BCAM: variants seen among roughly 807,000 people sequenced by gnomAD.
The protein encoded by BCAM is basal cell adhesion molecule.
Under a neutral mutation model 72.4 loss-of-function variants are expected in BCAM, and 61 were observed. That is an observed-to-expected ratio of 0.84 (90% CI 0.69 to 1.04). The LOEUF (loss-of-function observed/expected upper bound fraction) is 1.04. BCAM is among the 50% of genes least tolerant of loss of function. The probability of loss-of-function intolerance (pLI) is 0.00; values close to 1 mark genes in which losing one functional copy is unlikely to be tolerated. For missense variants in BCAM, 909 were observed against 895.0 expected (o/e 1.02, Z -0.20); for synonymous variants, 408 against 384.2 (o/e 1.06, Z -0.73).
Position 44,809,170 on chromosome 19 carries a change from C to T in BCAM, c.46C>T (p.Leu16=). 2 of 1,475,844 alleles carry T rather than the reference C, an allele frequency of 1.4e-6. No homozygotes were observed. Among genetic ancestry groups the T allele is most frequent in the Non-Finnish European group, 1.8e-6 (2 of 1,116,326 alleles). 91.4% of individuals were successfully genotyped at this position (1,475,844 alleles called of 1,614,324 possible). Reference sequence around the variant, plus strand: ...GGCCCAGGCGCGCGGGGCCCCGCGGCTGCTGTTGCTCGCAGTCCTGCTGGC... The same window carrying T: ...GGCCCAGGCGCGCGGGGCCCCGCGGTTGCTGTTGCTCGCAGTCCTGCTGGC... The part of the protein sequence containing the change: ...APAQARGAPR[L]LLLAVLLAAH... The change falls in exon 1 of 15, where the codon CTG becomes TTG. Residue 16 remains leucine, a synonymous_variant. Transcript: ENST00000270233.
intron 13 of BCAM, 164 bp from the exon 14 acceptor site, chr19:44,820,541 T>G: frequency 1.6e-6 from 2 of 1,269,494 alleles, no homozygotes; most frequent in Non-Finnish European, 9.9e-7. Context: ...CCCAGTGCCA[T>G]TACCAGCCCC....
chr19:44,818,498 G>A lies in BCAM; in HGVS notation c.1079-24G>A. 1 of 1,606,528 alleles carries A rather than the reference G, an allele frequency of 6.2e-7. No individual in the cohort carries two copies. ...TTGAGTGGGTGGCGGTCTGGGACGA[G>A]TGACAGACTGTCCCCCACTGCAGAT... is the stretch of plus-strand genomic sequence containing the variant. On this transcript the variant is annotated intron_variant, in intron 8 of 14. Coordinates refer to ENST00000270233, the MANE Select transcript of BCAM (RefSeq NM_005581.5). The surrounding 1 kb of genome is among the most constrained non-coding windows in gnomAD (Gnocchi z 4.6).
rs1057463472 is a variant in BCAM at position 44,813,815 on chromosome 19, G to A, written c.784+195G>A. ...AGCCCCATCCTGACCTCTGACCTCC[G>A]ACCTCCACTTAGCACCCTGGACCCC... On this transcript the variant is annotated intron_variant, in intron 6 of 14. Transcript: ENST00000270233. The surrounding 1 kb of genome is among the most constrained non-coding windows in gnomAD (Gnocchi z 4.2). 4.1e-5 allele frequency: 34 copies of A among 821,178 alleles called. No individual in the cohort carries two copies. The highest frequency in any genetic ancestry group is 4.0e-4 in the African/African-American group (23 of 57,706). The allele number at this position is 821,178 out of a possible 1,614,324, so 50.9% of individuals were successfully genotyped here. A position where few individuals can be genotyped will look rare whatever the true frequency, so the allele number is the denominator to read the frequency against.
Position 44,818,645 on chromosome 19 carries a change from G to A in BCAM, c.1194+8G>A. On this transcript the variant is annotated splice_region_variant and intron_variant, in intron 9 of 14. Coordinates refer to ENST00000270233, the MANE Select transcript of BCAM (RefSeq NM_005581.5). The surrounding 1 kb of genome is among the most constrained non-coding windows in gnomAD (Gnocchi z 4.6). ...GCCCTACGCTGGACCAAGGTGAGAG[G>A]GAGAGGAGCCCCCTCGGGCCCTGCA... 1 of 1,612,986 alleles carries A rather than the reference G, an allele frequency of 6.2e-7. No homozygotes were observed. Among genetic ancestry groups the A allele is most frequent in the Non-Finnish European group, 8.5e-7 (1 of 1,179,186 alleles).
intron 13 of BCAM, chr19:44,820,112 C>T (rs1256109725): frequency 1.9e-6 from 2 of 1,077,016 alleles, no homozygotes; most frequent in Non-Finnish European, 2.3e-6. Context: ...CAATCCATAA[C>T]CCCCTTCAAA....
chr19:44,817,648 G>A (rs1483265417), intron 8 of BCAM, among the ~76,000 whole-genome samples: 4 of 151,768 alleles, frequency 2.6e-5, no homozygotes, highest in Non-Finnish European at 5.9e-5. Flanking sequence ...AGGTTCAAGC[G>A]ATTCTCCTGC....
In BCAM at chr19:44,809,142, A is replaced by T. The variant is rs747184578; in HGVS notation, c.18A>T (p.Ala6=). 2 of 1,466,016 alleles carry T rather than the reference A, an allele frequency of 1.4e-6. No homozygotes were observed. The highest frequency in any genetic ancestry group is 2.6e-5 in the South Asian group (2 of 77,076). 90.8% of individuals were successfully genotyped at this position (1,466,016 alleles called of 1,614,324 possible). A position where few individuals can be genotyped will look rare whatever the true frequency, so the allele number is the denominator to read the frequency against. ...CCGTGAACATGGAGCCCCCGGACGCACCGGCCCAGGCGCGCGGGGCCCCGC... is the reference window on the plus strand; with the variant it reads ...CCGTGAACATGGAGCCCCCGGACGCTCCGGCCCAGGCGCGCGGGGCCCCGC... MEPPD[A]PAQARGAPRL... is the part of the protein sequence containing the mutation. The change falls in exon 1 of 15, where the codon GCA becomes GCT. Residue 6 remains alanine, a synonymous_variant. Coordinates refer to ENST00000270233, the MANE Select transcript of BCAM (RefSeq NM_005581.5).
chr19:44,820,083 C>G, intron 13 of BCAM: 1 of 1,146,616 alleles, frequency 8.7e-7, no homozygotes, highest in Non-Finnish European at 1.1e-6. Context: ...CAACCCTGCC[C>G]CCAATCTCCC....
In BCAM at chr19:44,809,196, G is replaced by A. The variant is rs775334274; in HGVS notation, c.72G>A (p.Ala24=). The A allele has an allele frequency of 6.8e-7, 1 of 1,474,964 alleles. No homozygotes were observed. The allele number at this position is 1,474,964 out of a possible 1,614,324, so 91.4% of individuals were successfully genotyped here. The change falls in exon 1 of 15, where the codon GCG becomes GCA. Residue 24 remains alanine, a synonymous_variant. Coordinates refer to ENST00000270233, the MANE Select transcript of BCAM (RefSeq NM_005581.5). ...PRLLLLAVLL[A]AHPDAQAEVR... ...TGCTGTTGCTCGCAGTCCTGCTGGC[G>A]GCGCACCCAGGTATGGCTCGGGCTG...
intron 8 of BCAM, among the ~76,000 whole-genome samples, chr19:44,816,105 G>A (rs1968500706): frequency 6.6e-6 from 1 of 151,934 alleles, no homozygotes; most frequent in Admixed American, 6.6e-5. Context: ...ATCACCTGAG[G>A]TCAGGAGTTA....
intron 1 of BCAM, among the ~76,000 whole-genome samples, chr19:44,809,594 C>T (rs917192717): frequency 1.3e-5 from 2 of 152,112 alleles, no homozygotes; most frequent in Non-Finnish European, 2.9e-5. Context: ...ATCAAAACCC[C>T]AGGGCTCTCT....
chr19:44,817,145 G>A (rs1200416119), intron 8 of BCAM, among the ~76,000 whole-genome samples: 2 of 152,024 alleles, frequency 1.3e-5, no homozygotes, highest in African/African-American at 4.8e-5. Context: ...GCTGAGGCAG[G>A]AGAATGGCAT....
chr19:44,812,255 T>G lies in BCAM; in HGVS notation c.297T>G (p.Ser99Arg). ...CAATGCACGACACCCGGGGCCGCAGTCCCCCATACCAGCTGGACTCCCAGG... is the reference window on the plus strand; with the variant it reads ...CAATGCACGACACCCGGGGCCGCAGGCCCCCATACCAGCTGGACTCCCAGG... Reference protein sequence around the residue: ...QVTMHDTRGRSPPYQLDSQGR... With the variant: ...QVTMHDTRGRRPPYQLDSQGR... Residue 99 changes from serine to arginine, a missense_variant, in exon 3 of 15, where the codon AGT (serine) becomes AGG (arginine). Coordinates refer to ENST00000270233, the MANE Select transcript of BCAM (RefSeq NM_005581.5). The surrounding 1 kb of genome is among the most constrained non-coding windows in gnomAD (Gnocchi z 5.3). 5 of 1,608,480 alleles carry G rather than the reference T, an allele frequency of 3.1e-6. No individual in the cohort carries two copies. The highest frequency in any genetic ancestry group is 4.2e-6 in the Non-Finnish European group (5 of 1,177,466).
chr19:44,811,107 T>C (rs28399650), intron 1 of BCAM, 118 bp from the exon 2 acceptor site: 28 of 1,489,096 alleles, frequency 1.9e-5, no homozygotes, highest in Middle Eastern at 2.5e-4. Flanking sequence ...CCTGGACTCC[T>C]GGGTCTGAGG....
rs1457199810 is a variant in BCAM, at chr19:44,809,159, G to A, written c.35G>A (p.Gly12Glu). The A allele has an allele frequency of 6.8e-7, 1 of 1,474,140 alleles. No individual in the cohort carries two copies. The highest frequency in any genetic ancestry group is 9.0e-7 in the Non-Finnish European group (1 of 1,115,994). 91.3% of individuals were successfully genotyped at this position (1,474,140 alleles called of 1,614,324 possible). The change falls in exon 1 of 15, where the codon GGG becomes GAG. Residue 12 changes from glycine (G) to glutamate (E), a missense_variant. Transcript: ENST00000270233. The stretch of plus-strand genomic sequence containing the variant: ...CCGGACGCACCGGCCCAGGCGCGCG[G>A]GGCCCCGCGGCTGCTGTTGCTCGCA... ...EPPDAPAQAR[G>E]APRLLLLAVL...
rs1049973998 is a variant in BCAM at position 44,812,578 on chromosome 19, G to T, written c.504+30G>T. On this transcript the variant is annotated intron_variant, in intron 4 of 14. Transcript: ENST00000270233. This position sits in a 1 kb window ranked among gnomAD's most constrained non-coding sequence, Gnocchi z 5.3. Reference sequence around the variant, plus strand: ...CTCTCGGGTGGACCTTGGCCCCAGGGTCCTGGAGGAGGAGGGGACAGGGCC... The same window carrying T: ...CTCTCGGGTGGACCTTGGCCCCAGGTTCCTGGAGGAGGAGGGGACAGGGCC... 3.1e-6 allele frequency: 5 copies of T among 1,612,844 alleles called. No homozygotes were observed. In the African/African-American group the frequency reaches 6.7e-5, roughly 22 times the overall value.
chr19:44,816,707 G>A (rs1483322756), intron 8 of BCAM, among the ~76,000 whole-genome samples: 3 of 151,826 alleles, frequency 2.0e-5, no homozygotes, highest in Non-Finnish European at 4.4e-5. Flanking sequence ...GGGAGGCCGA[G>A]GCAGGTGGAT....
chr19:44,811,615 G>A (rs1041049419), intron 2 of BCAM: 12 of 421,648 alleles, frequency 2.8e-5, no homozygotes, highest in South Asian at 2.6e-4. Context: ...AGCCAGGCAC[G>A]GTGGCTCACG....
intron 1 of BCAM, 68 bp downstream of exon 1, chr19:44,809,274 G>A: frequency 9.9e-6 from 13 of 1,309,168 alleles, no homozygotes; most frequent in Non-Finnish European, 9.9e-6. Context: ...AAAGCGAGGA[G>A]AAAGGGCTTT....
Sources: gnomAD v4.1 joint callset for allele counts (sites outside exome capture counted in the v4.1 genomes callset) on GRCh38, gnomAD v4.1.1 for gene constraint, Gnocchi (gnomAD v3.1) non-coding constraint, MANE v1.5 for transcripts, NCBI Gene and HGNC (gene_info 2026-07-23, HGNC 2026-07-21) for gene names.